PNPLA8: variants seen among roughly 807,000 people sequenced by gnomAD.
PNPLA8 encodes the protein calcium-independent phospholipase A2-gamma.
In PNPLA8, 39 loss-of-function variants were observed where a neutral mutation model predicts 76.9. That is an observed-to-expected ratio of 0.51 (90% CI 0.39 to 0.66). The LOEUF (loss-of-function observed/expected upper bound fraction) is 0.66, where lower values mean the gene tolerates loss of function less well. PNPLA8 is among the 30% of genes least tolerant of loss of function. The pLI, the probability that PNPLA8 is intolerant of heterozygous loss-of-function variation, is 0.00. For missense variants in PNPLA8, 887 were observed against 918.0 expected (o/e 0.97, Z 0.44); for synonymous variants, 301 against 307.9 (o/e 0.98, Z 0.24).
intron 4 of PNPLA8, among the ~76,000 whole-genome samples, 170 bp downstream of exon 4, chr7:108,513,974 G>T (rs149361468): frequency 6.3e-4 from 96 of 152,194 alleles, no homozygotes; most frequent in African/African-American, 2.2e-3. Flanking sequence ...GAATTGATTA[G>T]CATAATGTAT....
In PNPLA8 at chr7:108,515,440, T is replaced by C. The variant is rs144037602; in HGVS notation, c.52A>G (p.Arg18Gly). 10 of 1,602,072 alleles carry C rather than the reference T, an allele frequency of 6.2e-6. No homozygotes were observed. The highest frequency in any genetic ancestry group is 1.1e-5 in the South Asian group (1 of 89,586). Residue 18 changes from arginine to glycine, a missense_variant, in exon 3 of 11, where the codon AGA becomes GGA. Physicochemically the swap from Arg to Gly is moderately radical, Grantham distance 125. Coordinates refer to ENST00000257694, the MANE Select transcript of PNPLA8 (RefSeq NM_001256007.3). ...DIYIYLLSNA[R>G]SVCGKQRSKQ... ...CTTCTCTGCTTCCCACAAACACTTC[T>C]TGCATTACTAAGGAGGTAAATATAT... is the stretch of plus-strand genomic sequence containing the variant.
Position 108,490,223 on chromosome 7 carries a change from T to C in PNPLA8, c.1683+1187A>G, listed in dbSNP as rs751407868. On this transcript the variant is annotated intron_variant, in intron 8 of 10. Transcript: ENST00000257694. ...AGCCTAGGAACTATAGGCTATACCA[T>C]TTAGCCTACATGTGTAGTAGGCTAT... Among the ~76,000 whole-genome samples, 68 of 152,320 alleles carry C rather than the reference T, an allele frequency of 4.5e-4. 1 individual carries two copies. In the Middle Eastern group the frequency reaches 0.01, roughly 23 times the overall value.
intron 5 of PNPLA8, among the ~76,000 whole-genome samples, chr7:108,501,824 C>T (rs762101573): frequency 6.6e-6 from 1 of 150,416 alleles, no homozygotes; most frequent in Non-Finnish European, 1.5e-5. Context: ...ACTCTGTCTC[C>T]AAAAAAATAA....
intron 5 of PNPLA8, 69 bp from the exon 6 acceptor site, chr7:108,497,646 A>G (rs962332011): frequency 3.7e-5 from 29 of 774,928 alleles, no homozygotes; most frequent in Non-Finnish European, 3.8e-5. Context: ...CTGTTGAATA[A>G]AACAATCTAA....
In PNPLA8 at chr7:108,514,940, T is replaced by G. The variant is rs2154516741; in HGVS notation, c.552A>C (p.Ile184=). Residue 184 remains isoleucine (I), a synonymous_variant, in exon 3 of 11, where the codon ATA becomes ATC. Coordinates refer to ENST00000257694, the MANE Select transcript of PNPLA8 (RefSeq NM_001256007.3). ...KSHIIDKEED[I]GKRSLFHYTS... is the part of the protein sequence containing the mutation. ...TGTAATGAAAAAGACTGCGTTTACC[T>G]ATATCTTCTTCTTTGTCTATAATGT... The G allele has an allele frequency of 1.2e-6, 2 of 1,609,760 alleles. No homozygotes were observed. The highest frequency in any genetic ancestry group is 1.7e-6 in the Non-Finnish European group (2 of 1,179,104).
intron 9 of PNPLA8, among the ~76,000 whole-genome samples, chr7:108,480,449 TCTC>T (rs1363293055): frequency 6.6e-6 from 1 of 152,156 alleles, no homozygotes; most frequent in Non-Finnish European, 1.5e-5. Context: ...TCAGCCTCCT[TCTC>T]CTGTTCAGCT....
intron 7 of PNPLA8, among the ~76,000 whole-genome samples, chr7:108,493,777 AC>A (rs1861370752): frequency 6.7e-6 from 1 of 149,860 alleles, no homozygotes; most frequent in East Asian, 1.9e-4. Context: ...CCATCCAAAT[AC>A]CAGTGGAATT....
upstream of PNPLA8, among the ~76,000 whole-genome samples, chr7:108,527,026 G>A (rs1864122593): frequency 6.6e-6 from 1 of 152,160 alleles, no homozygotes; most frequent in Non-Finnish European, 1.5e-5. Context: ...GCGAATTTGG[G>A]TAGTTGCAAT....
intron 1 of PNPLA8, among the ~76,000 whole-genome samples, chr7:108,523,514 C>T (rs1441238088): frequency 6.6e-6 from 1 of 151,608 alleles, no homozygotes; most frequent in African/African-American, 2.4e-5. Flanking sequence ...GCAACTTTTG[C>T]TGATATCAAA....
chr7:108,479,670 C>G, intron 9 of PNPLA8: 1 of 368,204 alleles, frequency 2.7e-6, no homozygotes, highest in Non-Finnish European at 5.1e-6. Flanking sequence ...GACACATTAT[C>G]TTATTTAGTG....
chr7:108,520,016 A>G (rs1269313803), intron 2 of PNPLA8, among the ~76,000 whole-genome samples: 1 of 152,090 alleles, frequency 6.6e-6, no homozygotes, highest in Non-Finnish European at 1.5e-5. Flanking sequence ...GCTCGAGAGA[A>G]TTACCTCCAT....
Position 108,471,668 on chromosome 7 carries a change from C to T in PNPLA8, c.*733G>A, listed in dbSNP as rs1051031811. On this transcript the variant is annotated 3_prime_UTR_variant, in exon 11 of 11. Transcript: ENST00000257694. The stretch of plus-strand genomic sequence containing the variant: ...TTTTTGTTAATGATAGGAATATCTC[C>T]TCAGTAAGTTCAAACCATTTTATAA... 7.9e-5 allele frequency: 12 copies of T among 152,104 alleles called. No homozygotes were observed. The highest frequency in any genetic ancestry group is 2.9e-4 in the African/African-American group (12 of 41,408). The allele number at this position is 152,104 out of a possible 1,614,324, so 9.4% of individuals were successfully genotyped here. A position where few individuals can be genotyped will look rare whatever the true frequency, so the allele number is the denominator to read the frequency against.
intron 7 of PNPLA8, among the ~76,000 whole-genome samples, chr7:108,496,219 G>T (rs1485223694): frequency 1.3e-5 from 2 of 152,074 alleles, no homozygotes; most frequent in African/African-American, 4.8e-5. Flanking sequence ...TGGGCAACGG[G>T]AGTGAGAGCG....
chr7:108,517,056 C>G (rs1479759991), intron 2 of PNPLA8, among the ~76,000 whole-genome samples: 1 of 152,126 alleles, frequency 6.6e-6, no homozygotes, highest in African/African-American at 2.4e-5. Context: ...ACTCTTAAAG[C>G]TCGACAATAA....
intron 2 of PNPLA8, among the ~76,000 whole-genome samples, chr7:108,517,739 A>G (rs1274507917): frequency 6.6e-6 from 1 of 152,154 alleles, no homozygotes; most frequent in Non-Finnish European, 1.5e-5. Context: ...TAAACTGGGG[A>G]GCTTACATAT....
At chr7:108,493,433 G>A (rs1001761428) in intron 7 of PNPLA8, among the ~76,000 whole-genome samples, 5 of 151,710 alleles carry the variant, frequency 3.3e-5, no homozygotes, top group Non-Finnish European at 7.4e-5. Flanking sequence ...TTTTTGAGAC[G>A]GAGTCTCGCT....
chr7:108,502,689 T>C (rs1862054603), intron 4 of PNPLA8, 47 bp from the exon 5 acceptor site: 2 of 1,380,376 alleles, frequency 1.4e-6, no homozygotes, highest in Admixed American at 1.8e-5. Context: ...AAATCAAGAC[T>C]GAAAATGTAT....
rs548029035 is a variant in PNPLA8, at chr7:108,488,555, A to G, written c.1684-602T>C. On this transcript the variant is annotated intron_variant, in intron 8 of 10. Transcript: ENST00000257694. The stretch of plus-strand genomic sequence containing the variant: ...TCACTGCACTCCAGCCTGGGTGACA[A>G]GAGTGGGACTCTGTCTCAAAACAAA... Among the ~76,000 whole-genome samples, 7 of 152,292 alleles carry G rather than the reference A, an allele frequency of 4.6e-5. No individual in the cohort carries two copies. In the East Asian group the frequency reaches 1.3e-3, roughly 29 times the overall value.
At position 108,479,332 on chromosome 7, in the gene PNPLA8, C is replaced by T. The variant is rs1336240548; in HGVS notation, c.1926G>A (p.Glu642=). 18 of 1,613,736 alleles carry T rather than the reference C, an allele frequency of 1.1e-5. No individual in the cohort carries two copies. Among genetic ancestry groups the T allele is most frequent in the East Asian group, 2.2e-5 (1 of 44,884 alleles). Residue 642 remains glutamate, a synonymous_variant, in exon 10 of 11, where the codon GAG becomes GAA. Coordinates refer to ENST00000257694, the MANE Select transcript of PNPLA8 (RefSeq NM_001256007.3). ...GCACATCTGGCCAAAGACATTTACACTCATGCATAGCTAATGCCGAAGGGT... is the reference window on the plus strand; with the variant it reads ...GCACATCTGGCCAAAGACATTTACATTCATGCATAGCTAATGCCGAAGGGT... ...LNNPSALAMH[E]CKCLWPDVPL...
Sources: gnomAD v4.1 joint callset for allele counts (sites outside exome capture counted in the v4.1 genomes callset) on GRCh38, gnomAD v4.1.1 for gene constraint, MANE v1.5 for transcripts, NCBI Gene and HGNC (gene_info 2026-07-23, HGNC 2026-07-21) for gene names.